The following AP3D1 variants were observed in gnomAD, a reference collection of about 807,000 sequenced individuals.
AP3D1 encodes adaptor related protein complex 3 subunit delta 1.
AP3D1 carries 51 observed loss-of-function variants against 147.6 expected under a neutral mutation model. The ratio of observed to expected loss-of-function variants is 0.35; its 90% CI spans 0.28 to 0.44. AP3D1 has a LOEUF of 0.44. Among genes scored for constraint, AP3D1 ranks in the 20% least tolerant of loss-of-function variants. The pLI, the probability that AP3D1 is intolerant of heterozygous loss-of-function variation, is 1.00. For synonymous variants in AP3D1, 760 were observed against 663.0 expected, an observed-to-expected ratio of 1.15 and a Z score of -2.25; for missense variants, 1,421 against 1,624.2, an observed-to-expected ratio of 0.87 and a Z score of 2.15.
chr19:2,139,808 G>A (rs910272116), intron 1 of AP3D1, among the ~76,000 whole-genome samples: 3 of 152,156 alleles, frequency 2.0e-5, no homozygotes, highest in South Asian at 2.1e-4. Context: ...GGCAAGGATG[G>A]CAAGCCCACC....
chr19:2,136,937 C>T (rs1040699704), intron 4 of AP3D1, 74 bp downstream of exon 4: 26 of 1,374,468 alleles, frequency 1.9e-5, no homozygotes, highest in African/African-American at 5.8e-5. Flanking sequence ...CAGGAAGACG[C>T]GTGTGGGAAC....
At chr19:2,136,617 G>A (rs974887352) in intron 4 of AP3D1, among the ~76,000 whole-genome samples, 3 of 152,146 alleles carry the variant, frequency 2.0e-5, no homozygotes, top group African/African-American at 4.8e-5. Flanking sequence ...AAAAAGCCGC[G>A]GGCAGGAAGC....
chr19:2,120,839 C>T (rs777763492), intron 14 of AP3D1, 23 bp downstream of exon 14: 1 of 1,595,688 alleles, frequency 6.3e-7, no homozygotes, highest in East Asian at 2.2e-5. Flanking sequence ...AGCTGCCAGC[C>T]CAGAGGCCCA....
Position 2,123,424 on chromosome 19 carries a change from A to C in AP3D1, c.907-18T>G. 6.2e-7 allele frequency: 1 copy of C among 1,613,756 alleles called. No homozygotes were observed. The highest frequency in any genetic ancestry group is 1.3e-5 in the African/African-American group (1 of 75,052). ...ACACAAAGCTGAAAAGAAGAAAAAAACGATGCTGGTTACATCCTCTAAACC... is the reference window on the plus strand; with the variant it reads ...ACACAAAGCTGAAAAGAAGAAAAAACCGATGCTGGTTACATCCTCTAAACC... On this transcript the variant is annotated intron_variant, in intron 10 of 31. Transcript: ENST00000643116.
At chr19:2,105,525 G>A (rs371317700) in intron 31 of AP3D1, among the ~76,000 whole-genome samples, 3 of 152,188 alleles carry the variant, frequency 2.0e-5, no homozygotes, top group Admixed American at 6.5e-5. Context: ...TCCCGTAGGG[G>A]ATACTTTTAG....
chr19:2,115,738 C>G lies in AP3D1; in HGVS notation c.2074-125G>C. On this transcript the variant is annotated intron_variant, in intron 18 of 31. Coordinates refer to ENST00000643116, the MANE Select transcript of AP3D1 (RefSeq NM_001261826.3). ...CTAAGGAGCTGGGGTCCTGCCAGAG[C>G]CCTGGGCCGCGAGGAGCGCCGTGAG... The G allele has an allele frequency of 3.9e-6, 4 of 1,028,704 alleles. No homozygotes were observed. In the South Asian group the frequency reaches 6.5e-5, roughly 17 times the overall value. 63.7% of individuals were successfully genotyped at this position (1,028,704 alleles called of 1,614,324 possible).
chr19:2,110,013 C>G, intron 28 of AP3D1, 55 bp from the exon 29 acceptor site: 1 of 1,600,606 alleles, frequency 6.2e-7, no homozygotes, highest in Non-Finnish European at 8.6e-7. Flanking sequence ...CAGCTCAGGG[C>G]TCAGGGTTCC....
chr19:2,107,259 C>CA (rs112132801), intron 31 of AP3D1, among the ~76,000 whole-genome samples: 19,879 of 120,824 alleles, frequency 0.16, 1,476 homozygotes, highest in Non-Finnish European at 0.2. Context: ...GACTCCATCT[C>CA]AAAAAAAAAA....
At chr19:2,163,427 G>C (rs1000223000) in intron 1 of AP3D1, among the ~76,000 whole-genome samples, 1 of 151,912 alleles carries the variant, frequency 6.6e-6, no homozygotes, top group Admixed American at 6.6e-5. Flanking sequence ...CCTGACCTCA[G>C]GTGATCTGCC....
intron 8 of AP3D1, among the ~76,000 whole-genome samples, chr19:2,128,151 C>G (rs2018812814): frequency 6.6e-6 from 1 of 152,142 alleles, no homozygotes; most frequent in Admixed American, 6.5e-5. Flanking sequence ...GGGGAGGGGT[C>G]CTGGCTCCGC....
chr19:2,127,491 T>C (rs1599469573), intron 8 of AP3D1, among the ~76,000 whole-genome samples: 1 of 130,518 alleles, frequency 7.7e-6, no homozygotes, highest in Admixed American at 7.3e-5. Flanking sequence ...CAATACCGCC[T>C]TCCTACTGCA....
chr19:2,109,029 A>G, intron 30 of AP3D1, 57 bp downstream of exon 30: 1 of 1,595,094 alleles, frequency 6.3e-7, no homozygotes, highest in South Asian at 1.1e-5. Flanking sequence ...ATAGGAAGGG[A>G]CAGCTGCCGC....
intron 14 of AP3D1, 102 bp from the exon 15 acceptor site, chr19:2,118,934 C>G (rs1186648893): frequency 1.5e-5 from 16 of 1,101,232 alleles, no homozygotes; most frequent in Non-Finnish European, 2.1e-5. Flanking sequence ...AACAAGGTGA[C>G]TCTGGGCCCT....
rs1599500526 is a variant in AP3D1, at chr19:2,150,560, G to A, written c.96+679C>T. The stretch of plus-strand genomic sequence containing the variant: ...CAAGCTGCTACCTCACTGGGGATCA[G>A]GATGCCGCTGTCCTTCCTCCCTCCT... On this transcript the variant is annotated intron_variant, in intron 1 of 31. Transcript: ENST00000643116. Among the ~76,000 whole-genome samples the A allele has an allele frequency of 2.0e-5, 3 of 152,230 alleles. No homozygotes were observed. In the South Asian group the frequency reaches 6.2e-4, roughly 31 times the overall value.
chr19:2,108,950 C>G, intron 30 of AP3D1, 136 bp downstream of exon 30: 2 of 1,437,196 alleles, frequency 1.4e-6, no homozygotes, highest in Non-Finnish European at 1.9e-6. Context: ...TCCCAGGCCT[C>G]GGGGCCACCA....
At chr19:2,117,901 C>T (rs2018504057) in intron 15 of AP3D1, among the ~76,000 whole-genome samples, 1 of 152,214 alleles carries the variant, frequency 6.6e-6, no homozygotes, top group Admixed American at 6.5e-5. Flanking sequence ...GGTTCACACC[C>T]GTAATCCTTG....
At chr19:2,141,191 C>T (rs943655063) in intron 1 of AP3D1, among the ~76,000 whole-genome samples, 1 of 152,106 alleles carries the variant, frequency 6.6e-6, no homozygotes, top group Non-Finnish European at 1.5e-5. Context: ...TCTACAAAAA[C>T]ACCGGGAAAT....
intron 16 of AP3D1, 40 bp downstream of exon 16, chr19:2,117,182 C>A (rs201066964): frequency 3.4e-5 from 53 of 1,550,512 alleles, no homozygotes; most frequent in Non-Finnish European, 4.4e-5. Context: ...GGGACCATGT[C>A]AGGGCCATGG....
chr19:2,123,324 C>T (rs368982440), intron 11 of AP3D1, 34 bp downstream of exon 11: 61 of 1,609,852 alleles, frequency 3.8e-5, no homozygotes, highest in South Asian at 2.9e-4. Context: ...GCTGGGGACA[C>T]GAAAATGACA....
Sources: gnomAD v4.1 joint callset for allele counts (sites outside exome capture counted in the v4.1 genomes callset) on GRCh38, gnomAD v4.1.1 for gene constraint, MANE v1.5 for transcripts, NCBI Gene and HGNC (gene_info 2026-07-23, HGNC 2026-07-21) for gene names.